The following SLC24A2 variants were observed in gnomAD, a reference collection of about 807,000 sequenced individuals.
The protein encoded by SLC24A2 is solute carrier family 24 member 2.
Under a neutral mutation model 62.0 loss-of-function variants are expected in SLC24A2, and 36 were observed. The observed-to-expected ratio is 0.58, with a 90% CI of 0.44 to 0.77. SLC24A2 has a LOEUF of 0.77. SLC24A2 is among the 30% of genes least tolerant of loss of function. The pLI is 0.00. For synonymous variants in SLC24A2, 358 were observed against 294.0 expected (o/e 1.22, Z -2.23); for missense variants, 846 against 817.9 (o/e 1.03, Z -0.42).
At chr9:19,708,783 G>A (rs1397654032) in intron 2 of SLC24A2, among the ~76,000 whole-genome samples, 1 of 152,148 alleles carries the variant, frequency 6.6e-6, no homozygotes, top group Admixed American at 6.5e-5. Flanking sequence ...TTACATGTTA[G>A]ACCTAAAACC....
chr9:19,615,746 A>G (rs757348757), intron 4 of SLC24A2, among the ~76,000 whole-genome samples: 14 of 152,194 alleles, frequency 9.2e-5, no homozygotes, highest in Non-Finnish European at 4.4e-5. Flanking sequence ...ATCTTGCTAC[A>G]GCAGGAATAC....
the SLC24A2 span, among the ~76,000 whole-genome samples, chr9:19,834,592 T>C: frequency 4.6e-5 from 7 of 152,118 alleles, no homozygotes; most frequent in African/African-American, 1.2e-4. Flanking sequence ...ACCAAATCTA[T>C]GTCTGATTGG....
intron 2 of SLC24A2, among the ~76,000 whole-genome samples, chr9:19,657,725 C>CTT (rs1818982311): frequency 6.6e-6 from 1 of 152,100 alleles, no homozygotes; most frequent in Admixed American, 6.6e-5. Context: ...CAGTCTTTTA[C>CTT]TTTCTTTCTT....
chr9:19,639,948 C>T (rs1482968075), intron 2 of SLC24A2, among the ~76,000 whole-genome samples: 2 of 152,198 alleles, frequency 1.3e-5, no homozygotes, highest in Admixed American at 1.3e-4. Flanking sequence ...GTTAATCAAG[C>T]CCCAAACCAT....
chr9:20,199,726 T>C, the SLC24A2 span, among the ~76,000 whole-genome samples: 68,477 of 150,866 alleles, frequency 0.45, 18,147 homozygotes, highest in Non-Finnish European at 0.61. Flanking sequence ...TTCTTTCTTT[T>C]TTTTTTTTTT....
At chr9:19,621,663 A>C (rs1185505338) in intron 3 of SLC24A2, among the ~76,000 whole-genome samples, 1 of 152,202 alleles carries the variant, frequency 6.6e-6, no homozygotes, top group Non-Finnish European at 1.5e-5. Context: ...TTAATTAAAT[A>C]GGAACTCGAA....
the SLC24A2 span, among the ~76,000 whole-genome samples, chr9:20,185,468 A>C: frequency 6.6e-6 from 1 of 152,064 alleles, no homozygotes; most frequent in Non-Finnish European, 1.5e-5. Flanking sequence ...GATCTAGACC[A>C]TCCTGGCTAA....
chr9:19,675,930 C>T (rs1195163222), intron 2 of SLC24A2, among the ~76,000 whole-genome samples: 1 of 152,164 alleles, frequency 6.6e-6, no homozygotes, highest in Non-Finnish European at 1.5e-5. Flanking sequence ...TTTCCTTCTT[C>T]CTGTGGTCTT....
the SLC24A2 span, among the ~76,000 whole-genome samples, chr9:19,871,865 C>T: frequency 1.4e-4 from 21 of 152,206 alleles, no homozygotes; most frequent in African/African-American, 4.6e-4. Context: ...TTTTTAAAAA[C>T]ATATGCAAAA....
the SLC24A2 span, among the ~76,000 whole-genome samples, chr9:20,083,477 C>G: frequency 6.6e-6 from 1 of 152,186 alleles, no homozygotes; most frequent in South Asian, 2.1e-4. Flanking sequence ...AAGTTGGAAG[C>G]AAAAATAACC....
In SLC24A2 at chr9:19,761,303, A is replaced by G. The variant is rs10964274; in HGVS notation, c.930+24634T>C. ...AGTGTAAAAACGTTCCTATTTCTCA[A>G]CATCCTCTCTAGCATCTGTTGTTTC... On this transcript the variant is annotated intron_variant, in intron 2 of 10. Coordinates refer to ENST00000341998, the MANE Select transcript of SLC24A2 (RefSeq NM_020344.4). Among the ~76,000 whole-genome samples, 1,287 of 152,110 alleles carry G rather than the reference A, an allele frequency of 8.5e-3. 23 individuals are homozygous for G. The highest frequency in any genetic ancestry group is 0.063 in the South Asian group (305 of 4,812).
chr9:20,038,919 T>C, the SLC24A2 span, among the ~76,000 whole-genome samples: 1 of 152,226 alleles, frequency 6.6e-6, no homozygotes, highest in Non-Finnish European at 1.5e-5. Flanking sequence ...TTAAGTTTCG[T>C]AAAATTTTTT....
intron 9 of SLC24A2, among the ~76,000 whole-genome samples, chr9:19,526,864 A>G (rs577734113): frequency 1.1e-4 from 16 of 152,074 alleles, no homozygotes; most frequent in Admixed American, 7.8e-4. Context: ...TAATTAATCA[A>G]TTTTCTTGCT....
At chr9:19,818,252 G>A in the SLC24A2 span, among the ~76,000 whole-genome samples, 2 of 152,038 alleles carry the variant, frequency 1.3e-5, no homozygotes, top group African/African-American at 4.8e-5. Flanking sequence ...CCTGCTACAA[G>A]GTGCTTCATG....
At chr9:20,027,434 T>A in the SLC24A2 span, among the ~76,000 whole-genome samples, 3 of 152,012 alleles carry the variant, frequency 2.0e-5, no homozygotes, top group Non-Finnish European at 4.4e-5. Flanking sequence ...ATAAAGAAAA[T>A]GTGGCCTATA....
chr9:20,302,003 T>A, the SLC24A2 span, among the ~76,000 whole-genome samples: 2 of 152,222 alleles, frequency 1.3e-5, no homozygotes, highest in Admixed American at 1.3e-4. Flanking sequence ...ATACACTATA[T>A]AGACTTTACA....
At chr9:20,205,046 A>G in the SLC24A2 span, among the ~76,000 whole-genome samples, 1 of 152,104 alleles carries the variant, frequency 6.6e-6, no homozygotes, top group Non-Finnish European at 1.5e-5. Context: ...CACCCAGCCA[A>G]AAGTATAATT....
At chr9:20,095,526 G>A in the SLC24A2 span, among the ~76,000 whole-genome samples, 2 of 152,280 alleles carry the variant, frequency 1.3e-5, no homozygotes, top group South Asian at 2.1e-4. Context: ...CTCCACGTGA[G>A]AGAAAATTCC....
intron 8 of SLC24A2, among the ~76,000 whole-genome samples, chr9:19,537,141 A>G (rs1226593158): frequency 6.6e-6 from 1 of 150,604 alleles, no homozygotes; most frequent in African/African-American, 2.5e-5. Context: ...ATTTTCTCCC[A>G]TGTTGTAGGT....
Sources: gnomAD v4.1 joint callset for allele counts (sites outside exome capture counted in the v4.1 genomes callset) on GRCh38, gnomAD v4.1.1 for gene constraint, MANE v1.5 for transcripts, NCBI Gene and HGNC (gene_info 2026-07-23, HGNC 2026-07-21) for gene names.